Variants in CLEC16A observed in about 807,000 individuals in gnomAD.
CLEC16A encodes the protein C-type lectin domain containing 16A.
Under a neutral mutation model 109.5 loss-of-function variants are expected in CLEC16A, and 51 were observed. That is an observed-to-expected ratio of 0.47 (90% CI 0.37 to 0.59). The LOEUF is 0.59. Ranked by LOEUF, CLEC16A falls within the 20% of genes least tolerant of loss-of-function variation. The pLI, the probability that CLEC16A is intolerant of heterozygous loss-of-function variation, is 0.00. For missense variants in CLEC16A, 1,339 were observed against 1,394.0 expected, an observed-to-expected ratio of 0.96 and a Z score of 0.63; for synonymous variants, 673 against 564.2, an observed-to-expected ratio of 1.19 and a Z score of -2.73.
At chr16:10,988,227 CTT>C (rs527603929) in intron 10 of CLEC16A, among the ~76,000 whole-genome samples, 1 of 151,986 alleles carries the variant, frequency 6.6e-6, no homozygotes, top group Non-Finnish European at 1.5e-5. Flanking sequence ...TTTTAAAGGA[CTT>C]TTTTTTCCTC....
intron 21 of CLEC16A, among the ~76,000 whole-genome samples, chr16:11,124,876 C>T (rs1597468305): frequency 6.6e-6 from 1 of 152,126 alleles, no homozygotes; most frequent in Non-Finnish European, 1.5e-5. Context: ...CACTTGCGCC[C>T]AGGAATTCGA....
chr16:11,178,188 T>G lies in CLEC16A; in HGVS notation c.2807-147T>G. ...GCAGGTTCTGTGTCCCCAAAAGGAG[T>G]GAGTGGAGCCACGCTGAGCCCTCAC... On this transcript the variant is annotated intron_variant, in intron 23 of 23. Transcript: ENST00000409790. This position sits in a 1 kb window ranked among gnomAD's most constrained non-coding sequence, Gnocchi z 6.5. The G allele has an allele frequency of 1.5e-6, 1 of 649,812 alleles. No homozygotes were observed. The highest frequency in any genetic ancestry group is 1.8e-5 in the African/African-American group (1 of 54,570). 40.3% of individuals were successfully genotyped at this position (649,812 alleles called of 1,614,324 possible).
intron 22 of CLEC16A, among the ~76,000 whole-genome samples, chr16:11,152,579 A>G (rs1021741998): frequency 1.3e-5 from 2 of 152,220 alleles, no homozygotes; most frequent in African/African-American, 4.8e-5. Context: ...GTTGTCTAGA[A>G]GCTGAGCAAA....
chr16:11,181,083 T>C lies in CLEC16A; in HGVS notation c.*2393T>C, dbSNP rs554724038. The C allele has an allele frequency of 1.3e-5, 2 of 152,270 alleles. No individual in the cohort carries two copies. The highest frequency in any genetic ancestry group is 4.1e-4 in the South Asian group (2 of 4,822). 9.4% of individuals were successfully genotyped at this position (152,270 alleles called of 1,614,324 possible). A position where few individuals can be genotyped will look rare whatever the true frequency, so the allele number is the denominator to read the frequency against. On this transcript the variant is annotated 3_prime_UTR_variant, in exon 24 of 24. Coordinates refer to ENST00000409790, the MANE Select transcript of CLEC16A (RefSeq NM_015226.3). ...AGGTGTGTGGGGTGAGGATTTCCTATAACCAGGGCTCCCAGAAGCTTTGCT... is the reference window on the plus strand; with the variant it reads ...AGGTGTGTGGGGTGAGGATTTCCTACAACCAGGGCTCCCAGAAGCTTTGCT...
chr16:11,163,236 G>A (rs557755243), intron 22 of CLEC16A, among the ~76,000 whole-genome samples: 2 of 152,308 alleles, frequency 1.3e-5, no homozygotes, highest in South Asian at 4.1e-4. Context: ...ATTCTCTGAT[G>A]TGTTGCCACT....
intron 16 of CLEC16A, 147 bp downstream of exon 16, chr16:11,044,219 T>TC (rs1213005704): frequency 5.0e-6 from 3 of 604,788 alleles, no homozygotes; most frequent in Non-Finnish European, 7.5e-6. Context: ...AATTTCATAG[T>TC]CCCTAGAGTA....
intron 1 of CLEC16A, among the ~76,000 whole-genome samples, chr16:10,949,512 C>T (rs1253906973): frequency 1.3e-5 from 2 of 152,044 alleles, no homozygotes; most frequent in Non-Finnish European, 2.9e-5. Context: ...GCAAGGGGAG[C>T]AGTGCACATT....
chr16:11,006,417 T>C (rs1286233623), intron 11 of CLEC16A, among the ~76,000 whole-genome samples: 1 of 152,222 alleles, frequency 6.6e-6, no homozygotes, highest in Admixed American at 6.5e-5. Flanking sequence ...AAGGCCATCT[T>C]CTGCCATCCT....
chr16:11,156,933 A>ACCCCCCC, intron 22 of CLEC16A: 1 of 55,154 alleles, frequency 1.8e-5, no homozygotes, highest in Non-Finnish European at 3.6e-5. Context: ...CCCCCCACCC[A>ACCCCCCC]CCCCCTGCCG....
In CLEC16A at chr16:11,174,301, C is replaced by G. The variant is rs908953824; in HGVS notation, c.2807-4034C>G. On this transcript the variant is annotated intron_variant, in intron 23 of 23. Transcript: ENST00000409790. The surrounding 1 kb of genome is among the most constrained non-coding windows in gnomAD (Gnocchi z 4.7). Reference sequence around the variant, plus strand: ...AGGCAGGTCTCCCCTGTGAGCCGCTCGGGCCGCGACGTCCACTCGCCACGC... The same window carrying G: ...AGGCAGGTCTCCCCTGTGAGCCGCTGGGGCCGCGACGTCCACTCGCCACGC... The G allele has an allele frequency of 1.1e-5, 5 of 443,712 alleles. No individual in the cohort carries two copies. The highest frequency in any genetic ancestry group is 1.0e-4 in the African/African-American group (5 of 49,730). The allele number at this position is 443,712 out of a possible 1,614,324, so 27.5% of individuals were successfully genotyped here. A position where few individuals can be genotyped will look rare whatever the true frequency, so the allele number is the denominator to read the frequency against.
In CLEC16A at chr16:10,961,700, C is replaced by G. The variant is rs2042255006; in HGVS notation, c.210-755C>G. ...CCACCACATCAGTACCTGTGTATTTCTTTCTAGTTATTTTCCCCTAGAACT... is the reference window on the plus strand; with the variant it reads ...CCACCACATCAGTACCTGTGTATTTGTTTCTAGTTATTTTCCCCTAGAACT... On this transcript the variant is annotated intron_variant, in intron 2 of 23. Coordinates refer to ENST00000409790, the MANE Select transcript of CLEC16A (RefSeq NM_015226.3). This position sits in a 1 kb window ranked among gnomAD's most constrained non-coding sequence, Gnocchi z 4.3. 6.6e-6 allele frequency among the ~76,000 whole-genome samples: 1 copy of G among 152,224 alleles called. No homozygotes were observed. The highest frequency in any genetic ancestry group is 1.5e-5 in the Non-Finnish European group (1 of 68,042).
intron 20 of CLEC16A, among the ~76,000 whole-genome samples, chr16:11,121,091 A>T (rs1428863910): frequency 1.3e-5 from 2 of 152,184 alleles, no homozygotes; most frequent in African/African-American, 2.4e-5. Flanking sequence ...CTATTTTTAA[A>T]AATTATATAC....
At chr16:11,062,595 G>C (rs770360472) in intron 19 of CLEC16A, among the ~76,000 whole-genome samples, 1 of 152,218 alleles carries the variant, frequency 6.6e-6, no homozygotes, top group Non-Finnish European at 1.5e-5. Context: ...GAGGTCATGC[G>C]TGTGAAGAGC....
At chr16:11,153,400 G>T (rs1037712420) in intron 22 of CLEC16A, among the ~76,000 whole-genome samples, 50 of 152,116 alleles carry the variant, frequency 3.3e-4, no homozygotes, top group African/African-American at 1.2e-3. Flanking sequence ...GGAGTTGACA[G>T]CTTTAGGGTC....
At chr16:11,041,549 C>T (rs2047336148) in intron 14 of CLEC16A, 1 of 152,246 alleles carries the variant, frequency 6.6e-6, no homozygotes, top group Admixed American at 6.5e-5. Flanking sequence ...TCTAGACTTA[C>T]TCTACGGGAG....
Position 11,178,582 on chromosome 16 carries a change from C to G in CLEC16A, c.3054C>G (p.Leu1018=). The change falls in exon 24 of 24, where the codon CTC becomes CTG. Residue 1018 remains leucine (L), a synonymous_variant. Coordinates refer to ENST00000409790, the MANE Select transcript of CLEC16A (RefSeq NM_015226.3). The surrounding 1 kb of genome is among the most constrained non-coding windows in gnomAD (Gnocchi z 6.5). ...TLVPPVDPHS[L]RSLTGMPPLS... ...TCCCCCCAGTTGACCCCCACAGCCT[C>G]CGCAGCCTCACCGGCATGCCCCCGC... The G allele has an allele frequency of 6.2e-7, 1 of 1,610,712 alleles. No individual in the cohort carries two copies. The highest frequency in any genetic ancestry group is 8.5e-7 in the Non-Finnish European group (1 of 1,179,690).
At chr16:11,060,413 T>C (rs372294437) in intron 18 of CLEC16A, among the ~76,000 whole-genome samples, 3 of 152,240 alleles carry the variant, frequency 2.0e-5, no homozygotes, top group African/African-American at 7.2e-5. Flanking sequence ...CCCACCCCCG[T>C]ATTCAGTAGG....
intron 22 of CLEC16A, among the ~76,000 whole-genome samples, chr16:11,142,395 C>T (rs990157665): frequency 2.0e-5 from 3 of 152,244 alleles, no homozygotes; most frequent in African/African-American, 7.2e-5. Flanking sequence ...TGTGATCAAG[C>T]AGGCCTGGAG....
intron 10 of CLEC16A, among the ~76,000 whole-genome samples, chr16:10,987,060 T>C (rs1312318973): frequency 2.6e-5 from 4 of 152,126 alleles, no homozygotes; most frequent in African/African-American, 9.7e-5. Context: ...TTTACCATGT[T>C]GGCCAGGCTG....
Sources: gnomAD v4.1 joint callset for allele counts (sites outside exome capture counted in the v4.1 genomes callset) on GRCh38, gnomAD v4.1.1 for gene constraint, Gnocchi (gnomAD v3.1) non-coding constraint, MANE v1.5 for transcripts, NCBI Gene and HGNC (gene_info 2026-07-23, HGNC 2026-07-21) for gene names.